Variants in C8orf74 observed in about 807,000 individuals in gnomAD.
C8orf74 encodes the protein chromosome 8 open reading frame 74, also known as uncharacterized protein C8orf74.
Under a neutral mutation model 22.2 loss-of-function variants are expected in C8orf74, and 29 were observed. That is an observed-to-expected ratio of 1.31 (90% CI 0.97 to 1.78). The LOEUF is 1.78. C8orf74 is among the 40% of genes most tolerant of loss of function. The pLI is 0.00. For missense variants in C8orf74, 515 were observed against 369.9 expected (o/e 1.39, Z -3.22); for synonymous variants, 255 against 163.1 (o/e 1.56, Z -4.30).
At chr8:10,688,923 G>C (rs1413486790) in intron 2 of C8orf74, 1 of 152,204 alleles carries the variant, frequency 6.6e-6, no homozygotes, top group Non-Finnish European at 1.5e-5. Flanking sequence ...AAGGTGGCAA[G>C]CTCTCAGGGC....
At chr8:10,684,846 C>T (rs1442529478) in intron 2 of C8orf74, among the ~76,000 whole-genome samples, 3 of 152,364 alleles carry the variant, frequency 2.0e-5, no homozygotes, top group East Asian at 3.9e-4. Flanking sequence ...AGCATCACCA[C>T]TGTTGCCCTT....
chr8:10,690,202 G>C (rs927567468), intron 2 of C8orf74, among the ~76,000 whole-genome samples: 2 of 152,250 alleles, frequency 1.3e-5, no homozygotes, highest in African/African-American at 4.8e-5. Flanking sequence ...GCCTCTTTGA[G>C]CCTCAGTTTC....
chr8:10,681,449 T>G (rs549947348), intron 2 of C8orf74, among the ~76,000 whole-genome samples: 1 of 152,246 alleles, frequency 6.6e-6, no homozygotes, highest in Non-Finnish European at 1.5e-5. Flanking sequence ...CAGCCTTATC[T>G]AATCCTGGGG....
At chr8:10,693,580 A>T (rs1026623250) in intron 2 of C8orf74, among the ~76,000 whole-genome samples, 1 of 152,282 alleles carries the variant, frequency 6.6e-6, no homozygotes, top group African/African-American at 2.4e-5. Context: ...ACAAATCCCA[A>T]TGCTGGGGGC....
intron 2 of C8orf74, among the ~76,000 whole-genome samples, chr8:10,694,436 A>G (rs1799446230): frequency 6.6e-6 from 1 of 152,166 alleles, no homozygotes; most frequent in Non-Finnish European, 1.5e-5. Context: ...TTCTCCAGAG[A>G]TAATTTTGAA....
At chr8:10,681,112 C>G (rs758930663) in intron 2 of C8orf74, among the ~76,000 whole-genome samples, 16 of 151,896 alleles carry the variant, frequency 1.1e-4, no homozygotes, top group Non-Finnish European at 1.9e-4. Context: ...ATTCAGAGCT[C>G]TGCCAGGACA....
rs780860500 is a variant in C8orf74 at position 10,672,729 on chromosome 8, A to G, written c.48+16A>G. On this transcript the variant is annotated intron_variant, in intron 1 of 3. Transcript: ENST00000304519. The stretch of plus-strand genomic sequence containing the variant: ...CCAACTTCAGGTGAAGGAAGAGAAA[A>G]TGTGGCTTTTAAACAGAAACTGGCT... 1.3e-6 allele frequency: 2 copies of G among 1,553,880 alleles called. No homozygotes were observed. Among genetic ancestry groups the G allele is most frequent in the South Asian group, 1.2e-5 (1 of 84,222 alleles).
At chr8:10,683,393 C>T (rs1799193494) in intron 2 of C8orf74, among the ~76,000 whole-genome samples, 1 of 152,212 alleles carries the variant, frequency 6.6e-6, no homozygotes, top group Non-Finnish European at 1.5e-5. Flanking sequence ...CATCTGATTT[C>T]TCAGGTTCTT....
chr8:10,687,517 C>T (rs546539482), intron 2 of C8orf74, among the ~76,000 whole-genome samples: 1 of 146,966 alleles, frequency 6.8e-6, no homozygotes, highest in South Asian at 2.1e-4. Flanking sequence ...GAAGCTGAGA[C>T]AGGAGAATCG....
In C8orf74 at chr8:10,697,688, T is replaced by C. The variant is rs376249556; in HGVS notation, c.331T>C (p.Cys111Arg). 1 of 1,613,912 alleles carries C rather than the reference T, an allele frequency of 6.2e-7. No homozygotes were observed. Among genetic ancestry groups the C allele is most frequent in the African/African-American group, 1.3e-5 (1 of 74,952 alleles). Residue 111 changes from cysteine to arginine, a missense_variant, in exon 3 of 4, where the codon TGT becomes CGT. Physicochemically the swap from Cys to Arg is radical, Grantham distance 180. Coordinates refer to ENST00000304519, the MANE Select transcript of C8orf74 (RefSeq NM_001040032.2). ...CAACACCACCCACCTGCTGGCCCTC[T>C]GTGACTACTTCCACCACACCTTCAT... ...HFNTTHLLAL[C>R]DYFHHTFIRH...
chr8:10,699,963 T>A (rs1198125086), intron 3 of C8orf74, among the ~76,000 whole-genome samples: 1 of 152,220 alleles, frequency 6.6e-6, no homozygotes, highest in East Asian at 1.9e-4. Flanking sequence ...AGGCAAGGGC[T>A]GAGGGACAGG....
intron 1 of C8orf74, among the ~76,000 whole-genome samples, chr8:10,674,055 G>A (rs868372611): frequency 1.7e-4 from 13 of 76,804 alleles, no homozygotes; most frequent in Admixed American, 1.0e-3. Context: ...ATCATACCCC[G>A]CAACCCCCAT....
chr8:10,677,757 A>G (rs1372700052), intron 2 of C8orf74, among the ~76,000 whole-genome samples: 4 of 151,192 alleles, frequency 2.6e-5, no homozygotes, highest in African/African-American at 9.7e-5. Flanking sequence ...GGGATGTACC[A>G]CCTCCCCTGT....
intron 1 of C8orf74, 138 bp downstream of exon 1, chr8:10,672,851 C>A (rs371927159): frequency 4.1e-6 from 3 of 735,172 alleles, no homozygotes; most frequent in Non-Finnish European, 6.8e-6. Flanking sequence ...GAGGCTGTGA[C>A]GAGATGTGGG....
At chr8:10,689,096 T>A (rs892270984) in intron 2 of C8orf74, 2 of 152,208 alleles carry the variant, frequency 1.3e-5, no homozygotes, top group Non-Finnish European at 2.9e-5. Flanking sequence ...TTCTGACCTA[T>A]CAAAAAGCAC....
chr8:10,690,746 C>T lies in C8orf74; in HGVS notation c.242-6853C>T, dbSNP rs1799362729. On this transcript the variant is annotated intron_variant, in intron 2 of 3. Transcript: ENST00000304519. The stretch of plus-strand genomic sequence containing the variant: ...GGGCCCAAGGAAGCCACCGGAGCCC[C>T]CTGGTCCGAGCCGTTTCTGCCCTGA... The T allele has an allele frequency of 1.2e-5, 5 of 405,110 alleles. No individual in the cohort carries two copies. In the Admixed American group the frequency reaches 1.3e-4, roughly 10 times the overall value. The allele number at this position is 405,110 out of a possible 1,614,324, so 25.1% of individuals were successfully genotyped here.
chr8:10,697,834 G>A lies in C8orf74; in HGVS notation c.477G>A (p.Arg159=), dbSNP rs751296041. The A allele has an allele frequency of 1.2e-6, 2 of 1,613,674 alleles. No homozygotes were observed. Among genetic ancestry groups the A allele is most frequent in the African/African-American group, 1.3e-5 (1 of 74,958 alleles). The stretch of plus-strand genomic sequence containing the variant: ...TCCCGCTGGCCGAGGGCATGGACAG[G>A]GACTTGTGGATCCACGAGCAGCAGG... ...HPLPLAEGMD[R]DLWIHEQQVA... The change falls in exon 3 of 4, where the codon AGG becomes AGA. Residue 159 remains arginine (R), a synonymous_variant. Coordinates refer to ENST00000304519, the MANE Select transcript of C8orf74 (RefSeq NM_001040032.2).
At chr8:10,685,017 G>T (rs114074661) in intron 2 of C8orf74, among the ~76,000 whole-genome samples, 1 of 152,218 alleles carries the variant, frequency 6.6e-6, no homozygotes, top group South Asian at 2.1e-4. Context: ...CCCACAGGGG[G>T]CGGAGCAAGA....
chr8:10,687,086 T>A (rs1563159895), intron 2 of C8orf74: 1 of 456,172 alleles, frequency 2.2e-6, no homozygotes, highest in African/African-American at 2.0e-5. Flanking sequence ...CCAGGTTCAG[T>A]CCAGGAGCCC....
Sources: allele counts gnomAD v4.1 joint callset (sites outside exome capture counted in the v4.1 genomes callset), GRCh38; gene constraint gnomAD v4.1.1; transcripts MANE v1.5; gene names NCBI Gene and HGNC (gene_info 2026-07-23, HGNC 2026-07-21).